TNIK: variants seen among roughly 807,000 people sequenced by gnomAD.
TNIK encodes TRAF2 and NCK interacting kinase, also known as TRAF2 and NCK-interacting protein kinase.
TNIK carries 49 observed loss-of-function variants against 191.3 expected under a neutral mutation model. The ratio of observed to expected loss-of-function variants is 0.26; its 90% CI spans 0.20 to 0.32. The LOEUF is 0.32. TNIK is among the 10% of genes least tolerant of loss of function. TNIK has a pLI of 1.00. For missense variants in TNIK, 1,155 were observed against 1,702.3 expected (o/e 0.68, Z 5.66); for synonymous variants, 594 against 600.9 (o/e 0.99, Z 0.17).
intron 1 of TNIK, among the ~76,000 whole-genome samples, chr3:171,434,997 T>C (rs1335977260): frequency 6.6e-6 from 1 of 152,206 alleles, no homozygotes; most frequent in Non-Finnish European, 1.5e-5. Context: ...ATATGAAGAC[T>C]GGAGTCAGGC....
intron 12 of TNIK, among the ~76,000 whole-genome samples, chr3:171,143,405 C>G (rs1330235220): frequency 1.3e-5 from 2 of 152,212 alleles, no homozygotes; most frequent in Non-Finnish European, 2.9e-5. Flanking sequence ...TTGCTAGAAG[C>G]AGCTCTCTGA....
At chr3:171,248,184 A>G (rs1276062103) in intron 2 of TNIK, among the ~76,000 whole-genome samples, 2 of 152,202 alleles carry the variant, frequency 1.3e-5, no homozygotes, top group African/African-American at 4.8e-5. Context: ...TACCTGTCCA[A>G]TGGCTCCAGT....
intron 2 of TNIK, among the ~76,000 whole-genome samples, chr3:171,347,930 A>C (rs932708160): frequency 6.6e-6 from 1 of 152,166 alleles, no homozygotes; most frequent in Non-Finnish European, 1.5e-5. Context: ...GGCTCTAAGA[A>C]AAGAAGACTT....
intron 23 of TNIK, among the ~76,000 whole-genome samples, chr3:171,088,734 C>G (rs1441140318): frequency 6.6e-6 from 1 of 152,230 alleles, no homozygotes; most frequent in Non-Finnish European, 1.5e-5. Context: ...AAAGACAACT[C>G]TGGTTTCCAA....
rs574177175 is a variant in TNIK at position 171,387,836 on chromosome 3, C to T, written c.58-18151G>A. ...CAGGAAACATTAGTTCTCCCCTTTG[C>T]GGTATCTTACAGGTGGGGATAGAGT... On this transcript the variant is annotated intron_variant, in intron 1 of 32. Coordinates refer to ENST00000436636, the MANE Select transcript of TNIK (RefSeq NM_015028.4). 2.0e-4 allele frequency among the ~76,000 whole-genome samples: 31 copies of T among 152,132 alleles called. No homozygotes were observed. The South Asian group carries it at 3.1e-3, about 15-fold the overall frequency.
intron 25 of TNIK, 126 bp from the exon 26 acceptor site, chr3:171,084,451 A>G: frequency 8.9e-7 from 1 of 1,118,198 alleles, no homozygotes. Context: ...AAACTCTGAA[A>G]CTCTCCTTAT....
At chr3:171,311,389 C>G (rs1015330219) in intron 2 of TNIK, among the ~76,000 whole-genome samples, 1 of 152,200 alleles carries the variant, frequency 6.6e-6, no homozygotes, top group African/African-American at 2.4e-5. Flanking sequence ...GAGTAAGCAC[C>G]TACTGTGTGC....
At chr3:171,212,185 C>A (rs1011527691) in intron 3 of TNIK, among the ~76,000 whole-genome samples, 1 of 152,092 alleles carries the variant, frequency 6.6e-6, no homozygotes, top group Admixed American at 6.6e-5. Context: ...GTACCCTCCT[C>A]CACTCCGGCT....
chr3:171,088,119 TTA>T lies in TNIK; in HGVS notation c.2722-615_2722-614del, dbSNP rs1721596814. On this transcript the variant is annotated intron_variant, in intron 23 of 32. Coordinates refer to ENST00000436636, the MANE Select transcript of TNIK (RefSeq NM_015028.4). ...ATGGATTTACAACTATCATAAATGT[TTA>T]TGTCTCAATAAATAACTATGGTGCT... 2.0e-5 allele frequency among the ~76,000 whole-genome samples: 3 copies of T among 152,370 alleles called. No individual in the cohort carries two copies. The South Asian group carries it at 6.2e-4, about 32-fold the overall frequency.
chr3:171,253,628 G>A (rs933210625), intron 2 of TNIK, among the ~76,000 whole-genome samples: 1 of 115,204 alleles, frequency 8.7e-6, no homozygotes, highest in Non-Finnish European at 1.6e-5. Flanking sequence ...CAAATGTCAC[G>A]GCTAGGAAGT....
At chr3:171,307,834 T>TA (rs1753614645) in intron 2 of TNIK, among the ~76,000 whole-genome samples, 2 of 152,284 alleles carry the variant, frequency 1.3e-5, no homozygotes, top group South Asian at 4.1e-4. Flanking sequence ...TATAATGTTA[T>TA]AAGACTTTTT....
rs1233161946 is a variant in TNIK, at chr3:171,366,528, G to C, written c.123+3092C>G. ...ACTTTTTATTTATTATATTAAGTAT[G>C]TTTCTTTAAAACTACCTGTAAACAA... is the stretch of plus-strand genomic sequence containing the variant. On this transcript the variant is annotated intron_variant, in intron 2 of 32. Transcript: ENST00000436636. This position sits in a 1 kb window ranked among gnomAD's most constrained non-coding sequence, Gnocchi z 4.1. 1.3e-5 allele frequency among the ~76,000 whole-genome samples: 2 copies of C among 151,874 alleles called. No homozygotes were observed. Among genetic ancestry groups the C allele is most frequent in the Non-Finnish European group, 2.9e-5 (2 of 67,966 alleles).
At chr3:171,085,742 A>G (rs1479067440) in intron 24 of TNIK, among the ~76,000 whole-genome samples, 1 of 152,334 alleles carries the variant, frequency 6.6e-6, no homozygotes, top group East Asian at 1.9e-4. Context: ...GTTGGCTCCA[A>G]AAGCTTTAAA....
chr3:171,375,774 G>A (rs1401629958), intron 1 of TNIK, among the ~76,000 whole-genome samples: 1 of 152,184 alleles, frequency 6.6e-6, no homozygotes, highest in East Asian at 1.9e-4. Flanking sequence ...CATCATAAAA[G>A]ATGATACATA....
intron 3 of TNIK, among the ~76,000 whole-genome samples, chr3:171,216,271 T>C (rs1046056383): frequency 4.6e-5 from 7 of 152,226 alleles, no homozygotes; most frequent in Non-Finnish European, 8.8e-5. Flanking sequence ...GATGCAAATA[T>C]ATAGCTGACA....
chr3:171,294,726 A>G (rs988761134), intron 2 of TNIK, among the ~76,000 whole-genome samples: 1 of 152,162 alleles, frequency 6.6e-6, no homozygotes, highest in African/African-American at 2.4e-5. Flanking sequence ...CATCTCAATA[A>G]TAATAATAAT....
intron 3 of TNIK, among the ~76,000 whole-genome samples, chr3:171,214,785 A>C (rs1015238960): frequency 1.3e-5 from 2 of 152,200 alleles, no homozygotes; most frequent in African/African-American, 4.8e-5. Context: ...TCCAAATGTC[A>C]GTCATTTTCA....
At chr3:171,165,970 C>T (rs56102430) in intron 10 of TNIK, among the ~76,000 whole-genome samples, 9,840 of 152,194 alleles carry the variant, frequency 0.065, 424 homozygotes, top group African/African-American at 0.11. Flanking sequence ...TTGGTCATGG[C>T]GCAGTCAATA....
At chr3:171,192,948 G>A (rs1466523378) in intron 5 of TNIK, among the ~76,000 whole-genome samples, 1 of 152,010 alleles carries the variant, frequency 6.6e-6, no homozygotes, top group East Asian at 1.9e-4. Context: ...TTTCTTAAGT[G>A]CTTTAATTTT....
Sources: gnomAD v4.1 joint callset for allele counts (sites outside exome capture counted in the v4.1 genomes callset) on GRCh38, gnomAD v4.1.1 for gene constraint, Gnocchi (gnomAD v3.1) non-coding constraint, MANE v1.5 for transcripts, NCBI Gene and HGNC (gene_info 2026-07-23, HGNC 2026-07-21) for gene names.